Variants in RNF144A observed in about 807,000 individuals in gnomAD.
The protein encoded by RNF144A is ring finger protein 144A.
In RNF144A, 11 loss-of-function variants were observed where a neutral mutation model predicts 38.7. The observed-to-expected ratio is 0.28, with a 90% CI of 0.18 to 0.47. RNF144A has a LOEUF of 0.47. Ranked by LOEUF, RNF144A falls within the 20% of genes least tolerant of loss-of-function variation. RNF144A has a pLI of 0.99. For missense variants in RNF144A, 316 were observed against 377.2 expected, an observed-to-expected ratio of 0.84 and a Z score of 1.34; for synonymous variants, 149 against 143.9, an observed-to-expected ratio of 1.04 and a Z score of -0.25.
intron 1 of RNF144A, among the ~76,000 whole-genome samples, chr2:6,934,509 C>T (rs1665440001): frequency 6.6e-6 from 1 of 152,158 alleles, no homozygotes; most frequent in Non-Finnish European, 1.5e-5. Context: ...AACTTTACCA[C>T]TTCCTTATTT....
intron 1 of RNF144A, among the ~76,000 whole-genome samples, chr2:6,931,388 G>A (rs1665202795): frequency 6.6e-6 from 1 of 152,242 alleles, no homozygotes; most frequent in Non-Finnish European, 1.5e-5. Flanking sequence ...TTGAAGGCCT[G>A]TCCAAAATGC....
At chr2:7,056,682 CT>C (rs1365062171) in intron 6 of RNF144A, among the ~76,000 whole-genome samples, 1 of 152,158 alleles carries the variant, frequency 6.6e-6, no homozygotes, top group Non-Finnish European at 1.5e-5. Context: ...GTTCCCTCCC[CT>C]GTGTTAGGGA....
intron 2 of RNF144A, among the ~76,000 whole-genome samples, chr2:6,966,942 C>T (rs773099529): frequency 2.0e-5 from 3 of 152,182 alleles, no homozygotes; most frequent in Non-Finnish European, 4.4e-5. Flanking sequence ...ATGCTTCTCC[C>T]CTGTACAGAC....
chr2:7,065,455 T>C (rs545323376), intron 6 of RNF144A, among the ~76,000 whole-genome samples: 1 of 152,334 alleles, frequency 6.6e-6, no homozygotes, highest in Non-Finnish European at 1.5e-5. Context: ...GGCCAAACTT[T>C]TGTGGAAAAA....
At chr2:6,961,503 C>T (rs1243289002) in intron 2 of RNF144A, among the ~76,000 whole-genome samples, 2 of 152,060 alleles carry the variant, frequency 1.3e-5, no homozygotes, top group East Asian at 1.9e-4. Context: ...GTATTTGATA[C>T]AGATCCAGCC....
At chr2:6,984,165 T>C (rs1156553781) in intron 2 of RNF144A, among the ~76,000 whole-genome samples, 1 of 152,206 alleles carries the variant, frequency 6.6e-6, no homozygotes, top group Non-Finnish European at 1.5e-5. Context: ...AAGCTGTGTA[T>C]CTTACCGATT....
chr2:7,014,328 G>T, intron 3 of RNF144A, 126 bp from the exon 4 acceptor site: 1 of 723,132 alleles, frequency 1.4e-6, no homozygotes. Flanking sequence ...GGTTGCTGTG[G>T]ACTACACAGT....
chr2:7,030,327 C>G, intron 8 of RNF144A, 112 bp downstream of exon 8: 1 of 810,070 alleles, frequency 1.2e-6, no homozygotes, highest in East Asian at 2.5e-5. Flanking sequence ...TTAGTGTTTC[C>G]AGACTTGCCT....
chr2:7,050,641 C>T (rs1376089365), intron 6 of RNF144A, among the ~76,000 whole-genome samples: 1 of 152,206 alleles, frequency 6.6e-6, no homozygotes. Context: ...CTTCTGCTTC[C>T]TGTGTCGTTA....
chr2:7,004,246 T>A (rs950316775), intron 3 of RNF144A, among the ~76,000 whole-genome samples: 1 of 152,238 alleles, frequency 6.6e-6, no homozygotes, highest in African/African-American at 2.4e-5. Flanking sequence ...CTCCTCACTG[T>A]GGTAGCAAAA....
chr2:7,046,555 TA>T (rs1279077321), downstream of RNF144A, among the ~76,000 whole-genome samples: 2 of 152,220 alleles, frequency 1.3e-5, no homozygotes, highest in African/African-American at 4.8e-5. Flanking sequence ...ATTTTGGTGA[TA>T]AAATATTAAG....
Position 7,039,867 on chromosome 2 carries a change from C to A in RNF144A, c.*107C>A. The stretch of plus-strand genomic sequence containing the variant: ...AAACATCTTTCTTGCCTTATGTGCC[C>A]CATTGAGCTTCACAGTGTCAGGCTG... On this transcript the variant is annotated 3_prime_UTR_variant, in exon 9 of 9. Transcript: ENST00000320892. 1 of 1,499,046 alleles carries A rather than the reference C, an allele frequency of 6.7e-7. No individual in the cohort carries two copies. Among genetic ancestry groups the A allele is most frequent in the East Asian group, 2.4e-5 (1 of 41,210 alleles). The allele number at this position is 1,499,046 out of a possible 1,614,324, so 92.9% of individuals were successfully genotyped here.
At chr2:6,961,462 G>A (rs1034421046) in intron 2 of RNF144A, among the ~76,000 whole-genome samples, 2 of 152,066 alleles carry the variant, frequency 1.3e-5, no homozygotes, top group Non-Finnish European at 2.9e-5. Flanking sequence ...CTGTGTCCAG[G>A]GCACTGTGAG....
intron 5 of RNF144A, among the ~76,000 whole-genome samples, chr2:7,018,293 C>T (rs1049032560): frequency 1.3e-5 from 2 of 152,230 alleles, no homozygotes; most frequent in Admixed American, 6.5e-5. Flanking sequence ...TCCCGCGCAG[C>T]GTGTTGTTTA....
At chr2:6,964,179 T>G (rs1467503818) in intron 2 of RNF144A, among the ~76,000 whole-genome samples, 1 of 152,180 alleles carries the variant, frequency 6.6e-6, no homozygotes, top group Admixed American at 6.5e-5. Flanking sequence ...CTTTGCCCAC[T>G]TTTTGAAGAC....
intron 2 of RNF144A, among the ~76,000 whole-genome samples, chr2:6,942,639 G>A (rs1040255944): frequency 2.0e-5 from 3 of 152,186 alleles, no homozygotes; most frequent in Non-Finnish European, 2.9e-5. Context: ...AGGTGGAATT[G>A]TCACCAGTGG....
chr2:7,055,076 AT>A (rs1160384157), intron 6 of RNF144A, among the ~76,000 whole-genome samples: 1 of 151,988 alleles, frequency 6.6e-6, no homozygotes, highest in Non-Finnish European at 1.5e-5. Flanking sequence ...CCTCTTTGAA[AT>A]GCTCTCCCTT....
intron 2 of RNF144A, among the ~76,000 whole-genome samples, chr2:6,982,106 C>G (rs1382021999): frequency 6.6e-6 from 1 of 152,170 alleles, no homozygotes; most frequent in Non-Finnish European, 1.5e-5. Flanking sequence ...CCAGTCGCCT[C>G]CCACCAGGTC....
intron 1 of RNF144A, among the ~76,000 whole-genome samples, chr2:6,922,910 C>T (rs914492184): frequency 1.3e-5 from 2 of 152,162 alleles, no homozygotes; most frequent in Non-Finnish European, 2.9e-5. Flanking sequence ...AGGCGTGAGC[C>T]ACCGCGCCCG....
Sources: allele counts gnomAD v4.1 joint callset (sites outside exome capture counted in the v4.1 genomes callset), GRCh38; gene constraint gnomAD v4.1.1; transcripts MANE v1.5; gene names NCBI Gene and HGNC (gene_info 2026-07-23, HGNC 2026-07-21).